The following KIAA1217 variants were observed in gnomAD, a reference collection of about 807,000 sequenced individuals.
The protein encoded by KIAA1217 is sickle tail protein homolog.
In KIAA1217, 88 loss-of-function variants were observed where a neutral mutation model predicts 163.9. The observed-to-expected ratio is 0.54, with a 90% CI of 0.45 to 0.64. The LOEUF is 0.64. KIAA1217 is among the 30% of genes least tolerant of loss of function. KIAA1217 has a pLI of 0.00. For missense variants in KIAA1217, 2,372 were observed against 2,475.0 expected (o/e 0.96, Z 0.88); for synonymous variants, 903 against 923.1 (o/e 0.98, Z 0.39).
At chr10:23,872,229 G>A (rs749051905) in intron 1 of KIAA1217, among the ~76,000 whole-genome samples, 14 of 152,166 alleles carry the variant, frequency 9.2e-5, no homozygotes, top group Admixed American at 2.0e-4. Context: ...CAAAGGCAAA[G>A]GTGTCATGGG....
intron 2 of KIAA1217, among the ~76,000 whole-genome samples, chr10:24,249,180 C>G (rs1236605139): frequency 1.3e-5 from 2 of 152,172 alleles, no homozygotes; most frequent in Non-Finnish European, 2.9e-5. Context: ...GACATATTTT[C>G]TGTACTTCAT....
chr10:24,121,711 C>A (rs2063287860), intron 2 of KIAA1217, among the ~76,000 whole-genome samples: 1 of 152,080 alleles, frequency 6.6e-6, no homozygotes, highest in African/African-American at 2.4e-5. Flanking sequence ...CAACAAAAGG[C>A]ATGTTAAATA....
chr10:23,710,054 G>T (rs1338083991), intron 1 of KIAA1217, among the ~76,000 whole-genome samples: 1 of 152,210 alleles, frequency 6.6e-6, no homozygotes, highest in Admixed American at 6.5e-5. Context: ...GTGTTGGATG[G>T]ATAACGGATG....
At chr10:24,006,911 T>C (rs1323289161) in intron 1 of KIAA1217, among the ~76,000 whole-genome samples, 1 of 152,172 alleles carries the variant, frequency 6.6e-6, no homozygotes, top group African/African-American at 2.4e-5. Flanking sequence ...TCTCTTCATT[T>C]CCTTCCGCCC....
rs555813104 is a variant in KIAA1217 at position 24,281,276 on chromosome 10, G to A, written c.354+61367G>A. Among the ~76,000 whole-genome samples the A allele has an allele frequency of 7.2e-5, 11 of 152,110 alleles. 1 individual carries two copies. The highest frequency in any genetic ancestry group is 2.4e-4 in the African/African-American group (10 of 41,496). Reference sequence around the variant, plus strand: ...AGTTCATATTCATTTTTTTGCCATCGTTTTTACCTATGTGTGATGTAAGTA... The same window carrying A: ...AGTTCATATTCATTTTTTTGCCATCATTTTTACCTATGTGTGATGTAAGTA... On this transcript the variant is annotated intron_variant, in intron 2 of 20. Transcript: ENST00000376454.
At chr10:24,244,765 G>A (rs1017875909) in intron 2 of KIAA1217, among the ~76,000 whole-genome samples, 4 of 151,792 alleles carry the variant, frequency 2.6e-5, no homozygotes, top group Non-Finnish European at 2.9e-5. Flanking sequence ...GGGTTTTGCC[G>A]TGTTACCCAG....
At chr10:24,476,396 T>C (rs1431347621) in intron 6 of KIAA1217, among the ~76,000 whole-genome samples, 2 of 152,186 alleles carry the variant, frequency 1.3e-5, no homozygotes, top group Admixed American at 1.3e-4. Flanking sequence ...TTTGAGAGCC[T>C]CCACTCCCTT....
intron 1 of KIAA1217, among the ~76,000 whole-genome samples, chr10:23,810,860 T>A (rs1462009350): frequency 8.1e-6 from 1 of 123,156 alleles, no homozygotes; most frequent in East Asian, 2.3e-4. Context: ...TATTATATAG[T>A]ATATATACTA....
chr10:24,371,528 T>G (rs2051648023), intron 2 of KIAA1217, among the ~76,000 whole-genome samples: 1 of 152,224 alleles, frequency 6.6e-6, no homozygotes, highest in African/African-American at 2.4e-5. Flanking sequence ...TGAAATTGAT[T>G]TGATGGCCTT....
At chr10:24,030,892 C>T (rs1029418208) in intron 2 of KIAA1217, among the ~76,000 whole-genome samples, 4 of 152,062 alleles carry the variant, frequency 2.6e-5, no homozygotes, top group African/African-American at 9.7e-5. Context: ...ATGTATATAC[C>T]ACACTTTATC....
At chr10:23,932,926 A>C (rs1843316335) in intron 1 of KIAA1217, among the ~76,000 whole-genome samples, 1 of 152,212 alleles carries the variant, frequency 6.6e-6, no homozygotes, top group African/African-American at 2.4e-5. Context: ...ACCATATGTA[A>C]GGACCACCCT....
At chr10:24,005,298 T>C (rs1411356123) in intron 1 of KIAA1217, among the ~76,000 whole-genome samples, 1 of 152,226 alleles carries the variant, frequency 6.6e-6, no homozygotes, top group East Asian at 1.9e-4. Context: ...ATTGTCTATA[T>C]TATTTTATAT....
chr10:24,242,081 C>G (rs7898180), intron 2 of KIAA1217, among the ~76,000 whole-genome samples: 5,332 of 152,106 alleles, frequency 0.035, 243 homozygotes, highest in African/African-American at 0.1. Flanking sequence ...TACCTTATCC[C>G]AAGGGTAGAT....
At chr10:24,151,104 T>G (rs1472545693) in intron 2 of KIAA1217, among the ~76,000 whole-genome samples, 1 of 151,900 alleles carries the variant, frequency 6.6e-6, no homozygotes, top group African/African-American at 2.4e-5. Flanking sequence ...GGAAGGATAG[T>G]AGAGTCAGGG....
intron 1 of KIAA1217, among the ~76,000 whole-genome samples, chr10:23,784,526 T>C (rs1326361177): frequency 6.6e-6 from 1 of 152,184 alleles, no homozygotes; most frequent in Non-Finnish European, 1.5e-5. Context: ...TTAGATCCTT[T>C]GTTCTTTATT....
intron 1 of KIAA1217, among the ~76,000 whole-genome samples, chr10:23,951,210 A>G (rs1844321268): frequency 6.6e-6 from 1 of 152,144 alleles, no homozygotes; most frequent in African/African-American, 2.4e-5. Context: ...AACCTAGGCA[A>G]TAGGGGAGTA....
chr10:24,136,392 A>T (rs1467474878), intron 2 of KIAA1217, among the ~76,000 whole-genome samples: 1 of 152,180 alleles, frequency 6.6e-6, no homozygotes, highest in Non-Finnish European at 1.5e-5. Flanking sequence ...TAGATTTTTT[A>T]AACTAGGGAT....
At chr10:23,950,744 G>A (rs1844300903) in intron 1 of KIAA1217, among the ~76,000 whole-genome samples, 1 of 151,796 alleles carries the variant, frequency 6.6e-6, no homozygotes, top group Non-Finnish European at 1.5e-5. Context: ...CATTAGAGAC[G>A]GTTTATCACT....
At chr10:24,382,839 C>CTTT (rs1251130955) in intron 3 of KIAA1217, among the ~76,000 whole-genome samples, 4 of 112,324 alleles carry the variant, frequency 3.6e-5, no homozygotes, top group Admixed American at 8.8e-5. Flanking sequence ...TGTGGTTTTT[C>CTTT]TTTTCTTTTT....
Sources: allele counts gnomAD v4.1 joint callset (sites outside exome capture counted in the v4.1 genomes callset), GRCh38; gene constraint gnomAD v4.1.1; transcripts MANE v1.5; gene names NCBI Gene and HGNC (gene_info 2026-07-23, HGNC 2026-07-21).